IL27RA: variants seen among roughly 807,000 people sequenced by gnomAD.
The protein encoded by IL27RA is interleukin 27 receptor subunit alpha.
In IL27RA, 61 loss-of-function variants were observed where a neutral mutation model predicts 80.8. The ratio of observed to expected loss-of-function variants is 0.76; its 90% CI spans 0.61 to 0.93. The LOEUF (loss-of-function observed/expected upper bound fraction) is 0.93, where lower values mean the gene tolerates loss of function less well. IL27RA is among the 40% of genes least tolerant of loss of function. The probability of loss-of-function intolerance (pLI) is 0.00; values close to 1 mark genes in which losing one functional copy is unlikely to be tolerated. For synonymous variants in IL27RA, 316 were observed against 332.5 expected (o/e 0.95, Z 0.54); for missense variants, 735 against 808.1 (o/e 0.91, Z 1.10).
intron 3 of IL27RA, 38 bp from the exon 4 acceptor site, chr19:14,039,714 AG>A: frequency 1.9e-6 from 3 of 1,609,894 alleles, no homozygotes; most frequent in Non-Finnish European, 2.5e-6. Flanking sequence ...GTGCTCTTGG[AG>A]GGCGTGGCTC....
At chr19:14,045,510 C>T (rs140877156) in intron 6 of IL27RA, among the ~76,000 whole-genome samples, 26,004 of 147,464 alleles carry the variant, frequency 0.18, 2,585 homozygotes, top group East Asian at 0.38. Context: ...CTGAGGCAGG[C>T]GAATGGCGTG....
intron 8 of IL27RA, among the ~76,000 whole-genome samples, chr19:14,048,030 T>C (rs991309400): frequency 2.7e-5 from 4 of 150,346 alleles, no homozygotes; most frequent in Admixed American, 6.7e-5. Context: ...TGATCTCAGC[T>C]CACTGCAGCG....
At chr19:14,039,992 G>A (rs1975967174) in intron 4 of IL27RA, 82 bp downstream of exon 4, 2 of 1,393,622 alleles carry the variant, frequency 1.4e-6, no homozygotes, top group South Asian at 1.3e-5. Flanking sequence ...CCCAGCCCAG[G>A]ACTCATTCTG....
Position 14,046,506 on chromosome 19 carries a change from G to A in IL27RA, c.1029G>A (p.Pro343=), listed in dbSNP as rs200443033. The A allele has an allele frequency of 6.8e-5, 109 of 1,614,104 alleles. No homozygotes were observed. The highest frequency in any genetic ancestry group is 2.7e-4 in the Admixed American group (16 of 60,006). Residue 343 remains proline, a synonymous_variant, in exon 8 of 14, where the codon CCG becomes CCA. Transcript: ENST00000263379. ...GSTELLVTWQ[P]GPGEPLEHVV... is the part of the protein sequence containing the mutation. ...CGGAGCTACTGGTGACCTGGCAACC[G>A]GGGCCTGGGGAACCACTGGAGCATG...
At chr19:14,051,158 G>T (rs1386324906) in intron 11 of IL27RA, among the ~76,000 whole-genome samples, 1 of 152,128 alleles carries the variant, frequency 6.6e-6, no homozygotes, top group African/African-American at 2.4e-5. Flanking sequence ...GCTGAGGCTC[G>T]AGGATCGCTT....
chr19:14,044,293 G>A (rs1205395573), intron 6 of IL27RA, among the ~76,000 whole-genome samples: 1 of 151,922 alleles, frequency 6.6e-6, no homozygotes, highest in Non-Finnish European at 1.5e-5. Flanking sequence ...AGGCTGGAGT[G>A]CAATGGGGCG....
chr19:14,037,008 G>A (rs1208665574), intron 2 of IL27RA, among the ~76,000 whole-genome samples: 1 of 151,798 alleles, frequency 6.6e-6, no homozygotes, highest in Non-Finnish European at 1.5e-5. Flanking sequence ...GCTAATTTTT[G>A]TATTTTTAAT....
intron 6 of IL27RA, among the ~76,000 whole-genome samples, chr19:14,045,110 A>G (rs1599301482): frequency 7.1e-6 from 1 of 140,006 alleles, no homozygotes; most frequent in African/African-American, 2.7e-5. Flanking sequence ...ACAGAATGAG[A>G]CTCTGTCTCC....
In IL27RA at chr19:14,042,800, G is replaced by C; in HGVS notation, c.768+11G>C. 1 of 1,612,292 alleles carries C rather than the reference G, an allele frequency of 6.2e-7. No individual in the cohort carries two copies. On this transcript the variant is annotated intron_variant, in intron 6 of 13. Coordinates refer to ENST00000263379, the MANE Select transcript of IL27RA (RefSeq NM_004843.4). ...TTGCTTCTATGGAAGGTGAGCTTCA[G>C]GCACCAGTTACATTTCTCTGCACGT...
At chr19:14,050,666 GGA>G in intron 10 of IL27RA, 90 bp from the exon 11 acceptor site, 1 of 1,367,480 alleles carries the variant, frequency 7.3e-7, no homozygotes, top group Non-Finnish European at 1.0e-6. Flanking sequence ...TGGATACCTG[GGA>G]GAGAGTGTTG....
intron 8 of IL27RA, among the ~76,000 whole-genome samples, chr19:14,046,827 T>C (rs1452546771): frequency 6.6e-6 from 1 of 151,694 alleles, no homozygotes; most frequent in African/African-American, 2.4e-5. Flanking sequence ...TGAAACCCCG[T>C]CTCTACTAAA....
intron 2 of IL27RA, among the ~76,000 whole-genome samples, 196 bp from the exon 3 acceptor site, chr19:14,039,309 TACC>T (rs1004127237): frequency 3.9e-5 from 6 of 151,942 alleles, no homozygotes; most frequent in African/African-American, 1.5e-4. Context: ...TTACTTTTAT[TACC>T]CTCATTTTGT....
At position 14,031,909 on chromosome 19, in the gene IL27RA, C is replaced by A. The variant is rs1325431730; in HGVS notation, c.37C>A (p.Pro13Thr). 1 of 1,606,334 alleles carries A rather than the reference C, an allele frequency of 6.2e-7. No individual in the cohort carries two copies. ...GGRGAPFWLWPLPKLALLPLL... is the reference protein window; with the variant it reads ...GGRGAPFWLWTLPKLALLPLL... ...CAGGGGCGCCCCTTTCTGGCTGTGGCCGCTGCCCAAGCTGGCGCTGCTGCC... is the reference window on the plus strand; with the variant it reads ...CAGGGGCGCCCCTTTCTGGCTGTGGACGCTGCCCAAGCTGGCGCTGCTGCC... Residue 13 changes from proline (P) to threonine (T), a missense_variant, in exon 1 of 14, where the codon CCG becomes ACG. Physicochemically the swap from Pro to Thr is conservative, Grantham distance 38. Coordinates refer to ENST00000263379, the MANE Select transcript of IL27RA (RefSeq NM_004843.4).
intron 12 of IL27RA, 72 bp from the exon 13 acceptor site, chr19:14,051,808 A>G: frequency 1.4e-6 from 2 of 1,450,566 alleles, no homozygotes; most frequent in Non-Finnish European, 1.9e-6. Context: ...AGTCACATTC[A>G]TGAACCCTGC....
At chr19:14,036,183 CAG>C (rs1339411292) in intron 2 of IL27RA, among the ~76,000 whole-genome samples, 1 of 151,648 alleles carries the variant, frequency 6.6e-6, no homozygotes, top group Non-Finnish European at 1.5e-5. Flanking sequence ...TTGGTAGAGA[CAG>C]AGTCTTGCTC....
chr19:14,052,631 C>T lies in IL27RA; in HGVS notation c.*341C>T, dbSNP rs1266087176. On this transcript the variant is annotated 3_prime_UTR_variant, in exon 14 of 14. Transcript: ENST00000263379. ...CTGTAATCCCAGCACTTTGGCAGGC[C>T]AAGGTGGAAGGATCACTTAGAGCTA... The T allele has an allele frequency of 6.4e-5, 14 of 219,614 alleles. No homozygotes were observed. The highest frequency in any genetic ancestry group is 3.0e-4 in the African/African-American group (13 of 43,796). 13.6% of individuals were successfully genotyped at this position (219,614 alleles called of 1,614,324 possible). A position where few individuals can be genotyped will look rare whatever the true frequency, so the allele number is the denominator to read the frequency against.
chr19:14,051,025 G>T, intron 11 of IL27RA, 142 bp downstream of exon 11: 1 of 816,020 alleles, frequency 1.2e-6, no homozygotes, highest in Non-Finnish European at 1.8e-6. Context: ...GAGGCAGGTG[G>T]ATCACTTGAG....
At position 14,049,556 on chromosome 19, in the gene IL27RA, A is replaced by T. The variant is rs537892110; in HGVS notation, c.1402+242A>T. On this transcript the variant is annotated intron_variant, in intron 10 of 13. Transcript: ENST00000263379. ...TTTTATTAGTGAAAAAGATAAAAGGATGTTAAAATTCCGTGGTATGGTTCC... is the reference window on the plus strand; with the variant it reads ...TTTTATTAGTGAAAAAGATAAAAGGTTGTTAAAATTCCGTGGTATGGTTCC... Among the ~76,000 whole-genome samples the T allele has an allele frequency of 5.9e-5, 9 of 151,454 alleles. No homozygotes were observed. In the South Asian group the frequency reaches 1.9e-3, roughly 32 times the overall value.
Position 14,031,953 on chromosome 19 carries a change from C to A in IL27RA, c.81C>A (p.Phe27Leu). Residue 27 changes from phenylalanine (F) to leucine (L), a missense_variant, in exon 1 of 14, where the codon TTC becomes TTA. By Grantham distance (22) the Phe-to-Leu change is conservative (BLOSUM62 0). Coordinates refer to ENST00000263379, the MANE Select transcript of IL27RA (RefSeq NM_004843.4). Reference protein sequence around the residue: ...LALLPLLWVLFQRTRPQGSAG... With the variant: ...LALLPLLWVLLQRTRPQGSAG... Reference sequence around the variant, plus strand: ...TGCTGCCTCTGTTGTGGGTGCTTTTCCAGCGGACGCGTCCCCAGGGTGAGT... The same window carrying A: ...TGCTGCCTCTGTTGTGGGTGCTTTTACAGCGGACGCGTCCCCAGGGTGAGT... The A allele has an allele frequency of 1.9e-6, 3 of 1,610,738 alleles. No individual in the cohort carries two copies. The highest frequency in any genetic ancestry group is 2.5e-6 in the Non-Finnish European group (3 of 1,178,630).
Sources: gnomAD v4.1 joint callset for allele counts (sites outside exome capture counted in the v4.1 genomes callset) on GRCh38, gnomAD v4.1.1 for gene constraint, MANE v1.5 for transcripts, NCBI Gene and HGNC (gene_info 2026-07-23, HGNC 2026-07-21) for gene names.